The following TBC1D8B variants were observed in gnomAD, a reference collection of about 807,000 sequenced individuals.
TBC1D8B encodes TBC1 domain family member 8B.
In TBC1D8B, 75 loss-of-function variants were observed where a neutral mutation model predicts 82.9. The ratio of observed to expected loss-of-function variants is 0.90; its 90% CI spans 0.75 to 1.10. The LOEUF (loss-of-function observed/expected upper bound fraction) is 1.10, where lower values mean the gene tolerates loss of function less well. Among genes scored for constraint, TBC1D8B ranks in the 50% least tolerant of loss-of-function variants. The pLI, the probability that TBC1D8B is intolerant of heterozygous loss-of-function variation, is 0.00. For missense variants in TBC1D8B, 794 were observed against 796.9 expected (o/e 1.00, Z 0.04); for synonymous variants, 276 against 276.8 (o/e 1.00, Z 0.03).
chrX:106,826,153 T>A lies in TBC1D8B; in HGVS notation c.951T>A (p.His317Gln). 8.3e-7 allele frequency: 1 copy of A among 1,210,625 alleles called. No homozygotes were observed. The highest frequency in any genetic ancestry group is 1.8e-5 in the South Asian group (1 of 56,960). Residue 317 changes from histidine to glutamine, a missense_variant, in exon 6 of 21, where the codon CAT (histidine) becomes CAA (glutamine). His to Gln is a conservative substitution (Grantham distance 24, BLOSUM62 0). Coordinates refer to ENST00000357242, the MANE Select transcript of TBC1D8B (RefSeq NM_017752.3). Reference protein sequence around the residue: ...LWVPFSHFNTHGKMCISENYI... With the variant: ...LWVPFSHFNTQGKMCISENYI... The stretch of plus-strand genomic sequence containing the variant: ...TACCATTCAGCCACTTCAATACTCA[T>A]GGGAAAATGTGCATCTCAGAAAATT...
chrX:106,836,983 C>T lies in TBC1D8B; in HGVS notation c.1204-2325C>T, dbSNP rs1037288045. Among the ~76,000 whole-genome samples the T allele has an allele frequency of 1.3e-4, 15 of 111,497 alleles. No homozygotes were observed. The Admixed American group carries it at 1.4e-3, about 11-fold the overall frequency. On this transcript the variant is annotated intron_variant, in intron 7 of 20. Transcript: ENST00000357242. ...ATGGTGCTGAAACAATGGACAGCAA[C>T]ATACTCCCCACCCCCAAAAAGATGT...
At chrX:106,856,086 A>G (rs1240323349) in intron 14 of TBC1D8B, among the ~76,000 whole-genome samples, 3 of 112,354 alleles carry the variant, frequency 2.7e-5, no homozygotes, top group Non-Finnish European at 5.6e-5. Flanking sequence ...AATGTGATAG[A>G]TCAAATACTT....
intron 7 of TBC1D8B, among the ~76,000 whole-genome samples, chrX:106,830,948 T>TAATAAATA (rs769351110): frequency 0.017 from 1,826 of 104,849 alleles, 51 homozygotes; most frequent in African/African-American, 0.06. Flanking sequence ...AGTATAATAA[T>TAATAAATA]AATAAATAAA....
intron 1 of TBC1D8B, among the ~76,000 whole-genome samples, chrX:106,813,351 G>T (rs1297707156): frequency 8.9e-6 from 1 of 111,923 alleles, no homozygotes; most frequent in East Asian, 2.8e-4. Flanking sequence ...TTCCCCAAGT[G>T]ACTAGAAATG....
Position 106,854,254 on chromosome X carries a change from G to T in TBC1D8B, c.2310G>T (p.Leu770Phe), listed in dbSNP as rs749913260. 4.2e-6 allele frequency: 5 copies of T among 1,197,336 alleles called. No homozygotes were observed. Among genetic ancestry groups the T allele is most frequent in the Non-Finnish European group, 5.6e-6 (5 of 889,468 alleles). Residue 770 changes from leucine (L) to phenylalanine (F), a missense_variant, in exon 14 of 21, where the codon TTG (leucine) becomes TTT (phenylalanine). Leu to Phe is a conservative substitution (Grantham distance 22). Transcript: ENST00000357242. ...DIHSMRCRNRLYVIQTLEETT... is the reference protein window; with the variant it reads ...DIHSMRCRNRFYVIQTLEETT... Reference sequence around the variant, plus strand: ...ATAGTATGCGCTGTCGAAATAGGTTGTATGTGATACAGACCCTAGAGGAAA... The same window carrying T: ...ATAGTATGCGCTGTCGAAATAGGTTTTATGTGATACAGACCCTAGAGGAAA...
chrX:106,849,484 C>T (rs1932541579), intron 11 of TBC1D8B: 1 of 1,019,473 alleles, frequency 9.8e-7, no homozygotes, highest in East Asian at 3.9e-5. Flanking sequence ...AGAGGGTAAC[C>T]AATTAGAAGG....
intron 13 of TBC1D8B, 127 bp from the exon 14 acceptor site, chrX:106,854,071 C>A: frequency 4.1e-6 from 2 of 490,413 alleles, no homozygotes; most frequent in African/African-American, 2.5e-5. Context: ...AATCATTGAA[C>A]AAGTCAGGAA....
chrX:106,831,331 T>G (rs1296825725), intron 7 of TBC1D8B, among the ~76,000 whole-genome samples: 1 of 110,600 alleles, frequency 9.0e-6, no homozygotes, highest in Non-Finnish European at 1.9e-5. Context: ...TGTAATTAAA[T>G]TTTTTTTTCC....
rs1931868452 is a variant in TBC1D8B, at chrX:106,827,030, A to G, written c.1036-140A>G. On this transcript the variant is annotated intron_variant, in intron 6 of 20. Transcript: ENST00000357242. The stretch of plus-strand genomic sequence containing the variant: ...GGTTAATTGTATGATTGGTGCAACT[A>G]GTACCCAAAGTCTATTTCTTAATAA... The G allele has an allele frequency of 3.9e-5, 23 of 593,967 alleles. 1 individual carries two copies. In the South Asian group the frequency reaches 7.0e-4, roughly 18 times the overall value. The allele number at this position is 593,967 out of a possible 1,213,427, so 48.9% of individuals were successfully genotyped here.
intron 19 of TBC1D8B, 32 bp downstream of exon 19, chrX:106,869,573 A>G: frequency 8.9e-7 from 1 of 1,123,324 alleles, no homozygotes. Flanking sequence ...CATTTAATTT[A>G]TTTAGTTATT....
rs1332439790 is a variant in TBC1D8B, at chrX:106,868,447, A to G, written c.2783A>G (p.Glu928Gly). 3 of 1,000,601 alleles carry G rather than the reference A, an allele frequency of 3.0e-6. No homozygotes were observed. 82.5% of individuals were successfully genotyped at this position (1,000,601 alleles called of 1,213,427 possible). Residue 928 changes from glutamate to glycine, a missense_variant, in exon 18 of 21, where the codon GAA becomes GGA. By Grantham distance (98) the Glu-to-Gly change is moderately conservative (BLOSUM62 -2). Coordinates refer to ENST00000357242, the MANE Select transcript of TBC1D8B (RefSeq NM_017752.3). ...DASKGDELSK[E>G]ELLYFSQLHV... ...TCAAAAGGAGATGAACTTTCCAAGG[A>G]AGAATTACTTTATTTCAGTCAGCTG... is the stretch of plus-strand genomic sequence containing the variant.
chrX:106,822,409 C>T (rs1015302999), intron 4 of TBC1D8B, among the ~76,000 whole-genome samples: 1 of 111,652 alleles, frequency 9.0e-6, no homozygotes, highest in Non-Finnish European at 1.9e-5. Context: ...GAATGCCTTG[C>T]ATATCGTGGG....
At chrX:106,834,919 G>A (rs1002817949) in intron 7 of TBC1D8B, among the ~76,000 whole-genome samples, 2 of 112,097 alleles carry the variant, frequency 1.8e-5, no homozygotes, top group Non-Finnish European at 3.8e-5. Context: ...TCACAGGCTA[G>A]CATTGAATGC....
At chrX:106,818,107 T>C (rs903108119) in intron 1 of TBC1D8B, among the ~76,000 whole-genome samples, 11 of 111,502 alleles carry the variant, frequency 9.9e-5, no homozygotes, top group African/African-American at 3.2e-4. Context: ...TTTAAATATC[T>C]AAGATTTTCT....
chrX:106,857,452 G>A (rs182742544), intron 14 of TBC1D8B, among the ~76,000 whole-genome samples: 69 of 111,730 alleles, frequency 6.2e-4, no homozygotes, highest in Middle Eastern at 4.7e-3. Context: ...ACACCCAGCC[G>A]CAGGTTTGTT....
Position 106,840,836 on chromosome X carries a change from G to T in TBC1D8B, c.1671G>T (p.Arg557Ser). 8.3e-7 allele frequency: 1 copy of T among 1,210,552 alleles called. No homozygotes were observed. The highest frequency in any genetic ancestry group is 1.1e-6 in the Non-Finnish European group (1 of 895,027). ...ATACTGGCATATCTGCTCTGAGAAG[G>T]GTACTCACAGCTTATGCATACAGGA... Reference protein sequence around the residue: ...QSDTGISALRRVLTAYAYRNP... With the variant: ...QSDTGISALRSVLTAYAYRNP... The change falls in exon 10 of 21, where the codon AGG becomes AGT. Residue 557 changes from arginine to serine, a missense_variant. Physicochemically the swap from Arg to Ser is moderately radical, Grantham distance 110. Transcript: ENST00000357242.
At chrX:106,861,243 T>A (rs1166008062) in intron 14 of TBC1D8B, among the ~76,000 whole-genome samples, 1 of 111,547 alleles carries the variant, frequency 9.0e-6, no homozygotes, top group South Asian at 3.7e-4. Context: ...TAGGTCCGTT[T>A]GGTCAAGTGT....
intron 7 of TBC1D8B, among the ~76,000 whole-genome samples, chrX:106,834,529 A>G (rs999109163): frequency 9.0e-6 from 1 of 111,299 alleles, no homozygotes; most frequent in Non-Finnish European, 1.9e-5. Flanking sequence ...ATGCCCTACC[A>G]ACAGCCCCCT....
chrX:106,827,098 C>T, intron 6 of TBC1D8B, 72 bp from the exon 7 acceptor site: 3 of 1,126,828 alleles, frequency 2.7e-6, no homozygotes, highest in Non-Finnish European at 3.6e-6. Context: ...AAGAGTAAGC[C>T]AAACACATTT....
Sources: allele counts gnomAD v4.1 joint callset (sites outside exome capture counted in the v4.1 genomes callset), GRCh38; gene constraint gnomAD v4.1.1; transcripts MANE v1.5; gene names NCBI Gene and HGNC (gene_info 2026-07-23, HGNC 2026-07-21).